The following ADCY2 variants were observed in gnomAD, a reference collection of about 807,000 sequenced individuals.
ADCY2 encodes the protein adenylate cyclase type 2.
Under a neutral mutation model 125.2 loss-of-function variants are expected in ADCY2, and 31 were observed. That is an observed-to-expected ratio of 0.25 (90% CI 0.19 to 0.33). The LOEUF is 0.33. Among genes scored for constraint, ADCY2 ranks in the 10% least tolerant of loss-of-function variants. The pLI, the probability that ADCY2 is intolerant of heterozygous loss-of-function variation, is 1.00. For missense variants in ADCY2, 904 were observed against 1,418.2 expected (o/e 0.64, Z 5.82); for synonymous variants, 512 against 548.4 (o/e 0.93, Z 0.93).
chr5:7,716,316 A>G lies in ADCY2; in HGVS notation c.1623-841A>G, dbSNP rs544531208. The stretch of plus-strand genomic sequence containing the variant: ...CTCTGCAAATTTTTGAGAGTTGACC[A>G]AGGAAAACACGAAAAAGGAATGACT... On this transcript the variant is annotated intron_variant, in intron 11 of 24. Coordinates refer to ENST00000338316, the MANE Select transcript of ADCY2 (RefSeq NM_020546.3). Among the ~76,000 whole-genome samples the G allele has an allele frequency of 5.9e-5, 9 of 152,352 alleles. No homozygotes were observed. The South Asian group carries it at 1.9e-3, about 32-fold the overall frequency.
At chr5:7,704,286 C>T (rs1741189931) in intron 7 of ADCY2, among the ~76,000 whole-genome samples, 1 of 152,176 alleles carries the variant, frequency 6.6e-6, no homozygotes, top group African/African-American at 2.4e-5. Flanking sequence ...CAGCTGCCTG[C>T]TCTTCTCTCT....
At chr5:7,774,042 A>G (rs1310561630) in intron 18 of ADCY2, among the ~76,000 whole-genome samples, 2 of 152,208 alleles carry the variant, frequency 1.3e-5, no homozygotes, top group African/African-American at 4.8e-5. Flanking sequence ...AAAATAATAT[A>G]AATGCCTTAA....
Position 7,773,060 on chromosome 5 carries a change from C to A in ADCY2, c.2343C>A (p.His781Gln), listed in dbSNP as rs998710839. 6.2e-7 allele frequency: 1 copy of A among 1,614,158 alleles called. No individual in the cohort carries two copies. ...VGYNTILLHT[H>Q]AHVLGDYSQV... ...ACAACACCATCCTACTCCACACCCA[C>A]GCCCACGTCCTGGGCGACTACAGCC... is the stretch of plus-strand genomic sequence containing the variant. Residue 781 changes from histidine to glutamine, a missense_variant, in exon 18 of 25, where the codon CAC becomes CAA. This residue lies in a region of ADCY2 where 221 missense variants were observed against 246.2 expected (regional missense o/e 0.90). Transcript: ENST00000338316.
intron 5 of ADCY2, among the ~76,000 whole-genome samples, chr5:7,693,418 T>TTTTTTTTTTTTTTTTG (rs1740782561): frequency 7.5e-6 from 1 of 133,470 alleles, no homozygotes; most frequent in Non-Finnish European, 1.7e-5. Context: ...TTTTTGTTTT[T>TTTTTTTTTTTTTTTTG]TTTTTTTTTT....
intron 22 of ADCY2, among the ~76,000 whole-genome samples, chr5:7,816,535 G>C (rs901487863): frequency 6.6e-6 from 1 of 152,234 alleles, no homozygotes; most frequent in African/African-American, 2.4e-5. Context: ...AGGGAAGAAG[G>C]CGCCAGCCCC....
intron 14 of ADCY2, among the ~76,000 whole-genome samples, chr5:7,736,080 A>G (rs1742242732): frequency 6.6e-6 from 1 of 152,068 alleles, no homozygotes; most frequent in African/African-American, 2.4e-5. Context: ...TTGGCCATAC[A>G]TGGCAGCACA....
At chr5:7,653,232 C>T (rs1223221604) in intron 4 of ADCY2, among the ~76,000 whole-genome samples, 2 of 152,218 alleles carry the variant, frequency 1.3e-5, no homozygotes, top group Non-Finnish European at 2.9e-5. Context: ...TGACAACTCT[C>T]ATACCCTGAG....
chr5:7,698,185 A>G (rs1428655904), intron 6 of ADCY2, 62 bp from the exon 7 acceptor site: 3 of 1,602,838 alleles, frequency 1.9e-6, no homozygotes, highest in East Asian at 2.2e-5. Context: ...ATGATATTAC[A>G]TGAATCTAGA....
At position 7,527,628 on chromosome 5, in the gene ADCY2, G is replaced by T. The variant is rs763510235; in HGVS notation, c.570+6729G>T. On this transcript the variant is annotated intron_variant, in intron 3 of 24. Coordinates refer to ENST00000338316, the MANE Select transcript of ADCY2 (RefSeq NM_020546.3). ...AGGAGTGCTTATTGATTTTATAACAGGATTACTTATATGTTAGATAAATTT... is the reference window on the plus strand; with the variant it reads ...AGGAGTGCTTATTGATTTTATAACATGATTACTTATATGTTAGATAAATTT... Among the ~76,000 whole-genome samples, 4 of 152,146 alleles carry T rather than the reference G, an allele frequency of 2.6e-5. No homozygotes were observed. In the South Asian group the frequency reaches 6.2e-4, roughly 24 times the overall value.
chr5:7,741,056 T>C (rs1742390806), intron 14 of ADCY2, among the ~76,000 whole-genome samples: 1 of 151,818 alleles, frequency 6.6e-6, no homozygotes, highest in South Asian at 2.1e-4. Flanking sequence ...CTAAAGAAAA[T>C]AGCATTAAGC....
At chr5:7,446,983 G>A (rs971941951) in intron 2 of ADCY2, among the ~76,000 whole-genome samples, 1 of 152,142 alleles carries the variant, frequency 6.6e-6, no homozygotes, top group Non-Finnish European at 1.5e-5. Flanking sequence ...GCCCTCTCAT[G>A]TTAAGTTCAT....
chr5:7,429,737 C>G (rs535325085), intron 2 of ADCY2, among the ~76,000 whole-genome samples: 1 of 152,142 alleles, frequency 6.6e-6, no homozygotes, highest in Non-Finnish European at 1.5e-5. Flanking sequence ...TGCTGTATCA[C>G]GATCTGTGGA....
intron 2 of ADCY2, among the ~76,000 whole-genome samples, chr5:7,482,151 G>C (rs1411804325): frequency 6.6e-6 from 1 of 152,052 alleles, no homozygotes. Context: ...ATCTCATTGT[G>C]GTTTTGATTT....
At chr5:7,416,370 G>A (rs1739945580) in intron 2 of ADCY2, among the ~76,000 whole-genome samples, 1 of 152,144 alleles carries the variant, frequency 6.6e-6, no homozygotes, top group African/African-American at 2.4e-5. Context: ...TTGGAGGGCT[G>A]GGCGCGGCCC....
At chr5:7,434,884 T>C (rs73044520) in intron 2 of ADCY2, among the ~76,000 whole-genome samples, 2,166 of 152,328 alleles carry the variant, frequency 0.014, 60 homozygotes, top group African/African-American at 0.05. Flanking sequence ...AAAATCTCTT[T>C]CCTAGCTTTA....
intron 3 of ADCY2, among the ~76,000 whole-genome samples, chr5:7,566,424 A>C (rs1735895065): frequency 6.6e-6 from 1 of 152,142 alleles, no homozygotes; most frequent in East Asian, 1.9e-4. Flanking sequence ...TGAGCCCAGG[A>C]GTTTGAAGCT....
intron 14 of ADCY2, among the ~76,000 whole-genome samples, chr5:7,733,542 A>T (rs1742166806): frequency 6.6e-6 from 1 of 152,162 alleles, no homozygotes; most frequent in South Asian, 2.1e-4. Context: ...CATTAGATAC[A>T]TGTGCGTGTT....
intron 3 of ADCY2, among the ~76,000 whole-genome samples, chr5:7,578,067 C>T (rs1736309405): frequency 6.6e-6 from 1 of 152,214 alleles, no homozygotes; most frequent in South Asian, 2.1e-4. Flanking sequence ...TTCAACAGAG[C>T]TCCCTCCAGC....
chr5:7,486,163 C>T (rs1742917621), intron 2 of ADCY2, among the ~76,000 whole-genome samples: 2 of 152,114 alleles, frequency 1.3e-5, no homozygotes, highest in Admixed American at 1.3e-4. Flanking sequence ...GTGTGCACTG[C>T]CCGACTGTCG....
Sources: gnomAD v4.1 joint callset for allele counts (sites outside exome capture counted in the v4.1 genomes callset) on GRCh38, gnomAD v4.1.1 for gene constraint, gnomAD v4.1.1 regional missense constraint, MANE v1.5 for transcripts, NCBI Gene and HGNC (gene_info 2026-07-23, HGNC 2026-07-21) for gene names.